SMC1B: variants seen among roughly 807,000 people sequenced by gnomAD.
SMC1B encodes structural maintenance of chromosomes protein 1B.
In SMC1B, 60 loss-of-function variants were observed where a neutral mutation model predicts 157.9. The observed-to-expected ratio is 0.38, with a 90% CI of 0.31 to 0.47. SMC1B has a LOEUF of 0.47. Among genes scored for constraint, SMC1B ranks in the 20% least tolerant of loss-of-function variants. The pLI is 0.99. For missense variants in SMC1B, 1,165 were observed against 1,426.2 expected (o/e 0.82, Z 2.95); for synonymous variants, 445 against 483.0 (o/e 0.92, Z 1.03).
chr22:45,383,640 G>C (rs770488014), intron 11 of SMC1B, 27 bp from the exon 12 acceptor site: 2 of 1,559,166 alleles, frequency 1.3e-6, no homozygotes, highest in South Asian at 2.4e-5. Flanking sequence ...ATTTTGCCCT[G>C]GAGAAATGTA....
At chr22:45,388,805 G>A (rs2087020179) in intron 10 of SMC1B, among the ~76,000 whole-genome samples, 2 of 151,448 alleles carry the variant, frequency 1.3e-5, no homozygotes, top group African/African-American at 2.4e-5. Context: ...GAGAAACCCC[G>A]TCTCTACTAA....
At chr22:45,385,525 T>A (rs1433801675) in intron 11 of SMC1B, among the ~76,000 whole-genome samples, 2 of 152,042 alleles carry the variant, frequency 1.3e-5, no homozygotes. Context: ...ATAAGATACA[T>A]CTGATTAAAA....
chr22:45,367,735 T>A (rs2086790398), intron 15 of SMC1B, among the ~76,000 whole-genome samples: 2 of 152,208 alleles, frequency 1.3e-5, no homozygotes. Flanking sequence ...TCCAGGGTAG[T>A]AACCACGAGT....
intron 9 of SMC1B, among the ~76,000 whole-genome samples, chr22:45,391,624 G>T (rs972204070): frequency 6.6e-6 from 1 of 152,196 alleles, no homozygotes. Flanking sequence ...TCACAGAAGT[G>T]AGACAATCAC....
intron 15 of SMC1B, among the ~76,000 whole-genome samples, chr22:45,363,973 C>T (rs1344039799): frequency 6.6e-6 from 1 of 152,000 alleles, no homozygotes; most frequent in African/African-American, 2.4e-5. Flanking sequence ...CTCAGCCTTC[C>T]TAGTAGCTGG....
intron 5 of SMC1B, among the ~76,000 whole-genome samples, chr22:45,401,682 A>G (rs2087195864): frequency 6.6e-6 from 1 of 152,216 alleles, no homozygotes; most frequent in Non-Finnish European, 1.5e-5. Context: ...AAGCTCATCT[A>G]TAAAACCGCC....
chr22:45,365,483 T>C (rs556582110), intron 15 of SMC1B, among the ~76,000 whole-genome samples: 1 of 152,200 alleles, frequency 6.6e-6, no homozygotes, highest in East Asian at 1.9e-4. Flanking sequence ...GGTTGGCAGA[T>C]CGCTTGATCC....
chr22:45,385,451 T>C (rs1229297424), intron 11 of SMC1B, among the ~76,000 whole-genome samples: 1 of 152,096 alleles, frequency 6.6e-6, no homozygotes, highest in Non-Finnish European at 1.5e-5. Flanking sequence ...TATCCAATTG[T>C]TTGACCCAAT....
chr22:45,348,799 G>C (rs950944960), intron 23 of SMC1B, among the ~76,000 whole-genome samples: 4 of 151,090 alleles, frequency 2.6e-5, no homozygotes. Flanking sequence ...CTCAGGCTCA[G>C]GTGATCCTCC....
chr22:45,364,265 C>T (rs2086750591), intron 15 of SMC1B, among the ~76,000 whole-genome samples: 1 of 152,148 alleles, frequency 6.6e-6, no homozygotes, highest in African/African-American at 2.4e-5. Context: ...TTTCCATGCT[C>T]ACCCTGCCCC....
At chr22:45,383,102 C>T (rs2086952786) in intron 12 of SMC1B, among the ~76,000 whole-genome samples, 1 of 150,458 alleles carries the variant, frequency 6.6e-6, no homozygotes, top group Admixed American at 6.6e-5. Context: ...CATGGCACTC[C>T]AGCCTGGGCA....
chr22:45,398,486 A>G (rs136612), intron 6 of SMC1B, among the ~76,000 whole-genome samples: 93,540 of 152,054 alleles, frequency 0.62, 31,034 homozygotes, highest in African/African-American at 0.87. Context: ...GCAAGGCCTG[A>G]GCAAGGGCGT....
chr22:45,397,533 C>T (rs1357693112), intron 6 of SMC1B, among the ~76,000 whole-genome samples: 1 of 152,142 alleles, frequency 6.6e-6, no homozygotes, highest in Admixed American at 6.5e-5. Flanking sequence ...CAGTTTAAAG[C>T]CTAGCTACAA....
chr22:45,394,775 A>G lies in SMC1B; in HGVS notation c.1255-8T>C. Reference sequence around the variant, plus strand: ...TATTTGTTTTAGATTTCCCTAAAAGAGGAAATAAAATCTAAAATCAATTAC... The same window carrying G: ...TATTTGTTTTAGATTTCCCTAAAAGGGGAAATAAAATCTAAAATCAATTAC... On this transcript the variant is annotated splice_region_variant and splice_polypyrimidine_tract_variant and intron_variant, in intron 7 of 24. Coordinates refer to ENST00000357450, the MANE Select transcript of SMC1B (RefSeq NM_148674.5). The G allele has an allele frequency of 6.6e-7, 1 of 1,517,360 alleles. No individual in the cohort carries two copies. Among genetic ancestry groups the G allele is most frequent in the Non-Finnish European group, 8.9e-7 (1 of 1,128,490 alleles). 94.0% of individuals were successfully genotyped at this position (1,517,360 alleles called of 1,614,324 possible).
chr22:45,348,988 G>A lies in SMC1B; in HGVS notation c.3495+740C>T, dbSNP rs531633427. ...CGAAGTGCTGAGATTACAGGCATGA[G>A]CCACCAAGCCCAGCCTACAAGGACT... On this transcript the variant is annotated intron_variant, in intron 23 of 24. Coordinates refer to ENST00000357450, the MANE Select transcript of SMC1B (RefSeq NM_148674.5). Among the ~76,000 whole-genome samples the A allele has an allele frequency of 1.1e-4, 17 of 149,022 alleles. No homozygotes were observed. In the South Asian group the frequency reaches 3.4e-3, roughly 30 times the overall value.
intron 4 of SMC1B, among the ~76,000 whole-genome samples, chr22:45,403,902 T>G (rs1311376169): frequency 6.6e-6 from 1 of 152,194 alleles, no homozygotes; most frequent in African/African-American, 2.4e-5. Context: ...CTGGGGAGTC[T>G]GCTCTACAAA....
chr22:45,376,134 T>C lies in SMC1B; in HGVS notation c.2059-3842A>G, dbSNP rs116982754. ...TTTCTAAGTGTACAGTTCAGTAGTG[T>C]TTAAATATATCCACATTGTGTGCAA... On this transcript the variant is annotated intron_variant, in intron 12 of 24. Transcript: ENST00000357450. 5.1e-4 allele frequency among the ~76,000 whole-genome samples: 78 copies of C among 152,274 alleles called. 2 individuals are homozygous for C. The East Asian group carries it at 0.015, about 29-fold the overall frequency.
intron 6 of SMC1B, among the ~76,000 whole-genome samples, chr22:45,398,879 A>G (rs2087158380): frequency 6.6e-6 from 1 of 152,176 alleles, no homozygotes; most frequent in African/African-American, 2.4e-5. Context: ...ACTGCACTCC[A>G]GCCTGAGTGA....
intron 10 of SMC1B, among the ~76,000 whole-genome samples, chr22:45,388,312 T>C (rs1357461663): frequency 6.6e-6 from 1 of 152,168 alleles, no homozygotes; most frequent in Non-Finnish European, 1.5e-5. Context: ...ATGGAAGCAA[T>C]CTAAAGTAGT....
Sources: gnomAD v4.1 joint callset for allele counts (sites outside exome capture counted in the v4.1 genomes callset) on GRCh38, gnomAD v4.1.1 for gene constraint, MANE v1.5 for transcripts, NCBI Gene and HGNC (gene_info 2026-07-23, HGNC 2026-07-21) for gene names.